The following XPO4 variants were observed in gnomAD, a reference collection of about 807,000 sequenced individuals.
XPO4 encodes the protein exportin-4.
Under a neutral mutation model 143.0 loss-of-function variants are expected in XPO4, and 39 were observed. That is an observed-to-expected ratio of 0.27 (90% CI 0.21 to 0.36). The LOEUF (loss-of-function observed/expected upper bound fraction) is 0.36. XPO4 is among the 10% of genes least tolerant of loss of function. The probability of loss-of-function intolerance (pLI) is 1.00; values close to 1 mark genes in which losing one functional copy is unlikely to be tolerated. For missense variants in XPO4, 907 were observed against 1,348.0 expected, an observed-to-expected ratio of 0.67 and a Z score of 5.12; for synonymous variants, 439 against 474.0, an observed-to-expected ratio of 0.93 and a Z score of 0.96.
At position 20,788,622 on chromosome 13, in the gene XPO4, A is replaced by G. The variant is rs761774111; in HGVS notation, c.2917-6T>C. The G allele has an allele frequency of 6.3e-7, 1 of 1,583,740 alleles. No homozygotes were observed. The highest frequency in any genetic ancestry group is 8.6e-7 in the Non-Finnish European group (1 of 1,167,670). On this transcript the variant is annotated splice_polypyrimidine_tract_variant and splice_region_variant and intron_variant, in intron 19 of 22. Coordinates refer to ENST00000255305, the MANE Select transcript of XPO4 (RefSeq NM_022459.5). ...TGATTACAAAGGGTTGGAAACTGAAAAAGAAATATTCAATTATTTGGATGC... is the reference window on the plus strand; with the variant it reads ...TGATTACAAAGGGTTGGAAACTGAAGAAGAAATATTCAATTATTTGGATGC...
Position 20,796,422 on chromosome 13 carries a change from A to AT in XPO4, c.2617-167dup, listed in dbSNP as rs562095457. 3.3e-3 allele frequency among the ~76,000 whole-genome samples: 504 copies of AT among 151,984 alleles called. 4 individuals are homozygous for AT. Among genetic ancestry groups the AT allele is most frequent in the African/African-American group, 0.012 (480 of 41,510 alleles). On this transcript the variant is annotated intron_variant, in intron 17 of 22. Transcript: ENST00000255305. The stretch of plus-strand genomic sequence containing the variant: ...TCTAGAAAGCATATATTAAGAGTAT[A>AT]TTTTTTTTAATTTTACCCCTTTTCT...
Position 20,781,617 on chromosome 13 carries a change from T to C in XPO4, c.*2105A>G, listed in dbSNP as rs73167433. The C allele has an allele frequency of 0.014, 2,127 of 152,602 alleles. 23 individuals are homozygous for C. Among genetic ancestry groups the C allele is most frequent in the Middle Eastern group, 0.054 (16 of 294 alleles). 9.5% of individuals were successfully genotyped at this position (152,602 alleles called of 1,614,324 possible). A position where few individuals can be genotyped will look rare whatever the true frequency, so the allele number is the denominator to read the frequency against. On this transcript the variant is annotated 3_prime_UTR_variant, in exon 23 of 23. Coordinates refer to ENST00000255305, the MANE Select transcript of XPO4 (RefSeq NM_022459.5). ...ATGTTGCCATCTGGATAAAAGTTAT[T>C]AAATATAGATGCCTTTTTACTTACC... is the stretch of plus-strand genomic sequence containing the variant.
intron 2 of XPO4, 61 bp downstream of exon 2, chr13:20,868,535 A>T: frequency 3.2e-6 from 5 of 1,558,914 alleles, no homozygotes; most frequent in Non-Finnish European, 4.3e-6. Flanking sequence ...CTAATGTTTA[A>T]GACAGCAAAC....
Position 20,795,908 on chromosome 13 carries a change from A to C in XPO4, c.2797+168T>G, listed in dbSNP as rs191159511. Among the ~76,000 whole-genome samples, 277 of 152,354 alleles carry C rather than the reference A, an allele frequency of 1.8e-3. 1 individual carries two copies. The highest frequency in any genetic ancestry group is 5.9e-3 in the African/African-American group (246 of 41,582). Reference sequence around the variant, plus strand: ...CTATTATTCTTACAAGAGGAAAGGCAAGCAGGAGGGCCACTGGTCCTCACC... The same window carrying C: ...CTATTATTCTTACAAGAGGAAAGGCCAGCAGGAGGGCCACTGGTCCTCACC... On this transcript the variant is annotated intron_variant, in intron 18 of 22. Coordinates refer to ENST00000255305, the MANE Select transcript of XPO4 (RefSeq NM_022459.5).
Position 20,787,535 on chromosome 13 carries a change from T to C in XPO4, c.3111A>G (p.Ala1037=). ...EALTPLAEQC[A]KAQETDSPLF... ...GTGGTGAGTCTGTTTCTTGTGCTTTTGCACACTGTTCAGCTAACGGTGTCA... is the reference window on the plus strand; with the variant it reads ...GTGGTGAGTCTGTTTCTTGTGCTTTCGCACACTGTTCAGCTAACGGTGTCA... The change falls in exon 21 of 23, where the codon GCA becomes GCG. Residue 1037 remains alanine, a synonymous_variant. Transcript: ENST00000255305. 6.2e-7 allele frequency: 1 copy of C among 1,614,270 alleles called. No individual in the cohort carries two copies. Among genetic ancestry groups the C allele is most frequent in the Non-Finnish European group, 8.5e-7 (1 of 1,180,050 alleles).
At chr13:20,805,628 A>G (rs1292930740) in intron 13 of XPO4, among the ~76,000 whole-genome samples, 2 of 152,106 alleles carry the variant, frequency 1.3e-5, no homozygotes, top group East Asian at 1.9e-4. Context: ...AACTACAACA[A>G]TCCCTACTGA....
intron 1 of XPO4, chr13:20,879,347 G>A (rs1395208901): frequency 1.2e-5 from 12 of 976,952 alleles, no homozygotes; most frequent in East Asian, 1.1e-4. Flanking sequence ...TTAACTTGCC[G>A]GTCTGGACCT....
intron 4 of XPO4, among the ~76,000 whole-genome samples, chr13:20,845,047 C>T (rs1189248842): frequency 6.6e-6 from 1 of 152,188 alleles, no homozygotes; most frequent in African/African-American, 2.4e-5. Context: ...ATGGCAGGCA[C>T]CTGTAGTCTC....
chr13:20,796,699 T>C (rs2059362842), intron 17 of XPO4, 65 bp downstream of exon 17: 1 of 1,227,242 alleles, frequency 8.1e-7, no homozygotes, highest in Non-Finnish European at 1.1e-6. Context: ...TAAGCAAAGA[T>C]CTATTATTTT....
intron 1 of XPO4, chr13:20,902,341 C>T (rs2060629316): frequency 3.0e-6 from 3 of 985,436 alleles, no homozygotes; most frequent in Non-Finnish European, 3.6e-6. Context: ...GGGGATAACC[C>T]CAACTCCTTC....
rs1214032090 is a variant in XPO4, at chr13:20,783,629, A to C, written c.*93T>G. 12 of 1,401,812 alleles carry C rather than the reference A, an allele frequency of 8.6e-6. No homozygotes were observed. The highest frequency in any genetic ancestry group is 1.2e-5 in the Non-Finnish European group (12 of 1,000,398). The allele number at this position is 1,401,812 out of a possible 1,614,324, so 86.8% of individuals were successfully genotyped here. On this transcript the variant is annotated 3_prime_UTR_variant, in exon 23 of 23. Transcript: ENST00000255305. Reference sequence around the variant, plus strand: ...GCTCTCCAAAATCCAAAATGGCCAAATGAACTGAGGAATAGGACAAGACTC... The same window carrying C: ...GCTCTCCAAAATCCAAAATGGCCAACTGAACTGAGGAATAGGACAAGACTC...
Position 20,821,745 on chromosome 13 carries a change from G to T in XPO4, c.1132C>A (p.Leu378Ile), listed in dbSNP as rs1035860307. The T allele has an allele frequency of 1.2e-6, 2 of 1,613,678 alleles. No individual in the cohort carries two copies. The highest frequency in any genetic ancestry group is 1.3e-5 in the African/African-American group (1 of 74,932). ...FSSFVNCLTH[L>I]TCSFGRSAAL... ...GCACTTCGCCCAAAAGAACAAGTGAGGTGTGTGAGGCAGTTAACAAAGGAG... is the reference window on the plus strand; with the variant it reads ...GCACTTCGCCCAAAAGAACAAGTGATGTGTGTGAGGCAGTTAACAAAGGAG... The change falls in exon 9 of 23, where the codon CTC becomes ATC. Residue 378 changes from leucine to isoleucine, a missense_variant. Physicochemically the swap from Leu to Ile is conservative, Grantham distance 5 (BLOSUM62 2). Coordinates refer to ENST00000255305, the MANE Select transcript of XPO4 (RefSeq NM_022459.5).
At chr13:20,854,690 G>T (rs1237863058) in intron 4 of XPO4, among the ~76,000 whole-genome samples, 1 of 152,128 alleles carries the variant, frequency 6.6e-6, no homozygotes, top group East Asian at 1.9e-4. Flanking sequence ...AAGAATCACA[G>T]CTAATCATTA....
chr13:20,876,972 C>G (rs1257940625), intron 1 of XPO4, among the ~76,000 whole-genome samples: 1 of 152,146 alleles, frequency 6.6e-6, no homozygotes, highest in East Asian at 1.9e-4. Flanking sequence ...GCTGATTGGT[C>G]CATTTTACAG....
intron 1 of XPO4, among the ~76,000 whole-genome samples, chr13:20,884,778 C>T (rs776143313): frequency 2.0e-5 from 3 of 152,034 alleles, no homozygotes; most frequent in Non-Finnish European, 4.4e-5. Context: ...TGAGCCCAAA[C>T]GTTTGAAGCT....
At chr13:20,882,834 C>G (rs2060425193) in intron 1 of XPO4, among the ~76,000 whole-genome samples, 1 of 151,604 alleles carries the variant, frequency 6.6e-6, no homozygotes, top group South Asian at 2.1e-4. Context: ...TTGCAGTGAG[C>G]CGAGATGGAG....
intron 19 of XPO4, among the ~76,000 whole-genome samples, chr13:20,789,583 T>C (rs2059251760): frequency 6.6e-6 from 1 of 151,268 alleles, no homozygotes; most frequent in Non-Finnish European, 1.5e-5. Context: ...TGTGTGTGTG[T>C]ATTTTTAGTA....
In XPO4 at chr13:20,811,134, A is replaced by G. The variant is rs577621372; in HGVS notation, c.1174-1167T>C. 2.0e-5 allele frequency among the ~76,000 whole-genome samples: 3 copies of G among 152,178 alleles called. No individual in the cohort carries two copies. In the East Asian group the frequency reaches 5.8e-4, roughly 29 times the overall value. On this transcript the variant is annotated intron_variant, in intron 9 of 22. Transcript: ENST00000255305. ...GAGAGCCGGTGGACCTGGAGCAGAG[A>G]GTGATGGGTCCTGACATAACATGGG...
In XPO4 at chr13:20,866,409, CT is replaced by C. The variant is rs2060246009; in HGVS notation, c.175+2186del. On this transcript the variant is annotated intron_variant, in intron 2 of 22. Transcript: ENST00000255305. ...AGGGAAGCATCAAAGAAAGTCTCCC[CT>C]TTAGTAGAATATATTACCCAGACCT... is the stretch of plus-strand genomic sequence containing the variant. 5 of 979,486 alleles carry C rather than the reference CT, an allele frequency of 5.1e-6. No homozygotes were observed. In the African/African-American group the frequency reaches 7.0e-5, roughly 14 times the overall value. The allele number at this position is 979,486 out of a possible 1,614,324, so 60.7% of individuals were successfully genotyped here.
Sources: gnomAD v4.1 joint callset for allele counts (sites outside exome capture counted in the v4.1 genomes callset) on GRCh38, gnomAD v4.1.1 for gene constraint, MANE v1.5 for transcripts, NCBI Gene and HGNC (gene_info 2026-07-23, HGNC 2026-07-21) for gene names.